Variants in NUP210 observed in about 807,000 individuals in gnomAD.
NUP210 encodes the protein nuclear pore membrane glycoprotein 210.
Under a neutral mutation model 196.0 loss-of-function variants are expected in NUP210, and 151 were observed. The ratio of observed to expected loss-of-function variants is 0.77; its 90% CI spans 0.67 to 0.88. The LOEUF is 0.88. NUP210 is among the 40% of genes least tolerant of loss of function. NUP210 has a pLI of 0.00. For synonymous variants in NUP210, 1,070 were observed against 1,052.7 expected (o/e 1.02, Z -0.32); for missense variants, 2,314 against 2,493.7 (o/e 0.93, Z 1.53).
Position 13,343,317 on chromosome 3 carries a change from G to A in NUP210, c.2836-14C>T. ...CAAAGGGTGCACCTGCAAGGTTGGGGCGGAGGTGGAGGGGTGGGTGGTGGG... is the reference window on the plus strand; with the variant it reads ...CAAAGGGTGCACCTGCAAGGTTGGGACGGAGGTGGAGGGGTGGGTGGTGGG... On this transcript the variant is annotated splice_polypyrimidine_tract_variant and intron_variant, in intron 20 of 39. Coordinates refer to ENST00000254508, the MANE Select transcript of NUP210 (RefSeq NM_024923.4). The A allele has an allele frequency of 6.2e-7, 1 of 1,612,260 alleles. No individual in the cohort carries two copies. The highest frequency in any genetic ancestry group is 8.5e-7 in the Non-Finnish European group (1 of 1,179,024).
Position 13,377,499 on chromosome 3 carries a change from A to G in NUP210, c.1109T>C (p.Ile370Thr). 6.2e-7 allele frequency: 1 copy of G among 1,613,828 alleles called. No homozygotes were observed. Among genetic ancestry groups the G allele is most frequent in the Non-Finnish European group, 8.5e-7 (1 of 1,179,822 alleles). ...LETGRLYEIT[I>T]EVFDKFSNKV... ...GTTGCTGAACTTGTCAAAAACTTCG[A>G]TGGTGATTTCATACAGGCGGCCGGT... Residue 370 changes from isoleucine (I) to threonine (T), a missense_variant, in exon 9 of 40, where the codon ATC (isoleucine) becomes ACC (threonine). Physicochemically the swap from Ile to Thr is moderately conservative, Grantham distance 89. Coordinates refer to ENST00000254508, the MANE Select transcript of NUP210 (RefSeq NM_024923.4).
chr3:13,329,394 G>A (rs1436076148), intron 30 of NUP210, among the ~76,000 whole-genome samples: 1 of 152,206 alleles, frequency 6.6e-6, no homozygotes, highest in African/African-American at 2.4e-5. Context: ...GGGGATTTCT[G>A]GAGCCCAAGA....
At chr3:13,373,427 T>G (rs994238356) in intron 12 of NUP210, among the ~76,000 whole-genome samples, 1 of 152,242 alleles carries the variant, frequency 6.6e-6, no homozygotes, top group Non-Finnish European at 1.5e-5. Context: ...TGGAGATTAC[T>G]ATCTTTCAGG....
chr3:13,347,372 G>C lies in NUP210; in HGVS notation c.2836-4069C>G. The C allele has an allele frequency of 7.2e-6, 7 of 972,016 alleles. No individual in the cohort carries two copies. Among genetic ancestry groups the C allele is most frequent in the Non-Finnish European group, 7.3e-6 (6 of 817,730 alleles). 60.2% of individuals were successfully genotyped at this position (972,016 alleles called of 1,614,324 possible). ...CTCATGGGTTCCGCCTAGAGGACTT[G>C]ATTGAAATGTAAAGAATCGTTGAAA... is the stretch of plus-strand genomic sequence containing the variant. On this transcript the variant is annotated intron_variant, in intron 20 of 39. Coordinates refer to ENST00000254508, the MANE Select transcript of NUP210 (RefSeq NM_024923.4). This position sits in a 1 kb window ranked among gnomAD's most constrained non-coding sequence, Gnocchi z 4.7.
rs1349363578 is a variant in NUP210 at position 13,321,595 on chromosome 3, T to C, written c.5156A>G (p.Glu1719Gly). The C allele has an allele frequency of 1.2e-6, 2 of 1,613,560 alleles. No homozygotes were observed. Among genetic ancestry groups the C allele is most frequent in the Admixed American group, 3.3e-5 (2 of 60,000 alleles). ...GCAGATGCCACTCACCTCCAAGTTC[T>C]CCAGAACCTCCGGGGCACCAAAGAC... Reference protein sequence around the residue: ...IRVFGAPEVLENLEVKSGSPA... With the variant: ...IRVFGAPEVLGNLEVKSGSPA... The change falls in exon 36 of 40, where the codon GAG (glutamate) becomes GGG (glycine). Residue 1719 changes from glutamate (E) to glycine (G), a missense_variant. Transcript: ENST00000254508.
chr3:13,319,905 G>T lies in NUP210; in HGVS notation c.5241C>A (p.Tyr1747Ter). Residue 1747 changes from tyrosine (Y) to a stop codon, truncating the protein, a stop_gained, in exon 37 of 40, where the codon TAC becomes TAA. Transcript: ENST00000254508. LOFTEE classifies it high-confidence loss of function. Reference protein sequence around the residue: ...KSFGWPSFITYTVGVLDPAAG... With the variant: ...KSFGWPSFIT ...CCGCGGGGTCCAAGACGCCGACCGT[G>T]TATGTGATGAAGCTGGGCCACCCAA... 6.2e-7 allele frequency: 1 copy of T among 1,614,208 alleles called. No homozygotes were observed. Among genetic ancestry groups the T allele is most frequent in the Non-Finnish European group, 8.5e-7 (1 of 1,180,026 alleles).
chr3:13,330,327 C>T lies in NUP210; in HGVS notation c.4110+133G>A, dbSNP rs550312288. On this transcript the variant is annotated intron_variant, in intron 30 of 39. Transcript: ENST00000254508. ...TTTTTATCTACCTAGGACCTTTGCC[C>T]CTGAGTTACTCTAAATGCCTGTCTA... 67 of 829,572 alleles carry T rather than the reference C, an allele frequency of 8.1e-5. No homozygotes were observed. In the South Asian group the frequency reaches 9.1e-4, roughly 11 times the overall value. The allele number at this position is 829,572 out of a possible 1,614,324, so 51.4% of individuals were successfully genotyped here.
chr3:13,374,022 A>C, intron 11 of NUP210, 149 bp from the exon 12 acceptor site: 1 of 880,512 alleles, frequency 1.1e-6, no homozygotes, highest in Non-Finnish European at 1.8e-6. Flanking sequence ...GCACACACTC[A>C]CCATTCACAC....
intron 37 of NUP210, 93 bp from the exon 38 acceptor site, chr3:13,319,418 C>A: frequency 9.7e-7 from 1 of 1,035,764 alleles, no homozygotes; most frequent in South Asian, 1.4e-5. Context: ...ACAGGGCAGT[C>A]CACAGGTCCC....
At position 13,323,477 on chromosome 3, in the gene NUP210, C is replaced by T. The variant is rs1034848066; in HGVS notation, c.4645-45G>A. 6.2e-7 allele frequency: 1 copy of T among 1,608,290 alleles called. No homozygotes were observed. Among genetic ancestry groups the T allele is most frequent in the Non-Finnish European group, 8.5e-7 (1 of 1,177,024 alleles). ...AGCTTCATGGAGCGCCGCCTGTGTCCCGGTCCATGCTGGGCGTTTCCACAA... is the reference window on the plus strand; with the variant it reads ...AGCTTCATGGAGCGCCGCCTGTGTCTCGGTCCATGCTGGGCGTTTCCACAA... On this transcript the variant is annotated intron_variant, in intron 33 of 39. Coordinates refer to ENST00000254508, the MANE Select transcript of NUP210 (RefSeq NM_024923.4). The surrounding 1 kb of genome is among the most constrained non-coding windows in gnomAD (Gnocchi z 4.3).
intron 2 of NUP210, among the ~76,000 whole-genome samples, chr3:13,398,729 GGAC>G (rs1336563894): frequency 2.0e-5 from 3 of 152,082 alleles, no homozygotes; most frequent in Non-Finnish European, 4.4e-5. Flanking sequence ...AAACCAGCCT[GGAC>G]AACACAGGGA....
At chr3:13,366,528 T>C (rs1698542891) in intron 13 of NUP210, among the ~76,000 whole-genome samples, 1 of 148,912 alleles carries the variant, frequency 6.7e-6, no homozygotes. Context: ...TTTTTTTTTT[T>C]TTTTTTTGAG....
chr3:13,361,479 AG>A (rs1263615762), intron 14 of NUP210, among the ~76,000 whole-genome samples: 1 of 152,136 alleles, frequency 6.6e-6, no homozygotes, highest in Non-Finnish European at 1.5e-5. Flanking sequence ...GCCAACCTCC[AG>A]GAAGACGTGG....
intron 20 of NUP210, among the ~76,000 whole-genome samples, chr3:13,343,954 A>C (rs1449437813): frequency 6.6e-6 from 1 of 152,242 alleles, no homozygotes; most frequent in Admixed American, 6.5e-5. Context: ...CTCTGTGTGA[A>C]GCAGTGACTG....
At chr3:13,403,013 A>G (rs1369407268) in intron 1 of NUP210, among the ~76,000 whole-genome samples, 1 of 152,170 alleles carries the variant, frequency 6.6e-6, no homozygotes, top group Non-Finnish European at 1.5e-5. Flanking sequence ...TATCCTTCGG[A>G]ACAGCACCAC....
intron 5 of NUP210, among the ~76,000 whole-genome samples, chr3:13,386,638 A>C (rs1013777447): frequency 1.3e-5 from 2 of 152,192 alleles, no homozygotes; most frequent in African/African-American, 2.4e-5. Context: ...CCTCACACTG[A>C]CTGCCCATTG....
At chr3:13,370,785 G>C (rs1428985853) in intron 13 of NUP210, among the ~76,000 whole-genome samples, 1 of 152,214 alleles carries the variant, frequency 6.6e-6, no homozygotes, top group East Asian at 1.9e-4. Context: ...AGCTACAGTT[G>C]CACGCACAGC....
intron 1 of NUP210, among the ~76,000 whole-genome samples, chr3:13,419,173 G>C (rs929612315): frequency 6.6e-6 from 1 of 150,576 alleles, no homozygotes; most frequent in African/African-American, 2.5e-5. Flanking sequence ...CAGAAATAAA[G>C]GGAGCAACTA....
chr3:13,391,663 T>G (rs1460075954), intron 3 of NUP210, among the ~76,000 whole-genome samples: 3 of 144,722 alleles, frequency 2.1e-5, no homozygotes, highest in Non-Finnish European at 3.0e-5. Flanking sequence ...AGGAGTCTGC[T>G]CGGAAACCTG....
Sources: allele counts gnomAD v4.1 joint callset (sites outside exome capture counted in the v4.1 genomes callset), GRCh38; gene constraint gnomAD v4.1.1; non-coding constraint Gnocchi (gnomAD v3.1); transcripts MANE v1.5; gene names NCBI Gene and HGNC (gene_info 2026-07-23, HGNC 2026-07-21).